The following ANKRD36B variants were observed in gnomAD, a reference collection of about 807,000 sequenced individuals.
ANKRD36B encodes ankyrin repeat domain-containing protein 36B.
In ANKRD36B, 37 loss-of-function variants were observed where a neutral mutation model predicts 135.7. The ratio of observed to expected loss-of-function variants is 0.27; its 90% CI spans 0.21 to 0.36. The LOEUF (loss-of-function observed/expected upper bound fraction) is 0.36. Among genes scored for constraint, ANKRD36B ranks in the 10% least tolerant of loss-of-function variants. The pLI is 1.00. For synonymous variants in ANKRD36B, 179 were observed against 348.1 expected (o/e 0.51, Z 5.41); for missense variants, 549 against 1,037.1 (o/e 0.53, Z 6.46).
intron 10 of ANKRD36B, among the ~76,000 whole-genome samples, chr2:97,557,979 T>A (rs1576992027): frequency 6.6e-6 from 1 of 152,074 alleles, no homozygotes; most frequent in East Asian, 1.9e-4. Context: ...TATTTTTTTT[T>A]CTAAAATAGT....
At chr2:97,555,776 G>A (rs2080467910) in intron 12 of ANKRD36B, among the ~76,000 whole-genome samples, 1 of 151,886 alleles carries the variant, frequency 6.6e-6, no homozygotes, top group African/African-American at 2.4e-5. Context: ...AAATTGATCA[G>A]CTTGGATATA....
intron 20 of ANKRD36B, 42 bp from the exon 21 acceptor site, chr2:97,547,773 T>C (rs770403793): frequency 1.3e-6 from 2 of 1,542,158 alleles, no homozygotes; most frequent in Non-Finnish European, 1.8e-6. Context: ...TATGTAAAAA[T>C]GACAAAATTA....
rs573991694 is a variant in ANKRD36B at position 97,551,751 on chromosome 2, C to A, written c.1274-271G>T. Among the ~76,000 whole-genome samples, 149 of 151,918 alleles carry A rather than the reference C, an allele frequency of 9.8e-4. 1 individual carries two copies. Among genetic ancestry groups the A allele is most frequent in the Non-Finnish European group, 1.4e-3 (93 of 67,912 alleles). The stretch of plus-strand genomic sequence containing the variant: ...ATCAAAGGTTGTCAACATCAATGTC[C>A]ATATGCCGAGTGATGAGGACAAATG... On this transcript the variant is annotated intron_variant, in intron 16 of 43. Transcript: ENST00000359901.
intron 5 of ANKRD36B, among the ~76,000 whole-genome samples, chr2:97,577,104 T>C (rs999225433): frequency 1.3e-5 from 2 of 151,708 alleles, no homozygotes; most frequent in Non-Finnish European, 2.9e-5. Context: ...TTAAAATAGG[T>C]AACACGATTG....
Position 97,538,719 on chromosome 2 carries a change from T to C in ANKRD36B, c.1988-356A>G, listed in dbSNP as rs1253510608. Among the ~76,000 whole-genome samples the C allele has an allele frequency of 5.1e-5, 5 of 97,388 alleles. 2 individuals carry two copies. The highest frequency in any genetic ancestry group is 1.4e-4 in the Non-Finnish European group (5 of 36,536). The allele number at this position is 97,388 out of a possible 152,430, so 63.9% of individuals were successfully genotyped here. A position where few individuals can be genotyped will look rare whatever the true frequency, so the allele number is the denominator to read the frequency against. On this transcript the variant is annotated intron_variant, in intron 30 of 43. Coordinates refer to ENST00000359901, the MANE Select transcript of ANKRD36B (RefSeq NM_001393939.1). ...CAGGAACCAATGTCAAAGAAGGTAC[T>C]AAATGCTACTGCATGTTTTTCATGC...
chr2:97,530,728 A>G (rs1421094779), intron 35 of ANKRD36B, among the ~76,000 whole-genome samples: 2 of 97,404 alleles, frequency 2.1e-5, no homozygotes, highest in South Asian at 2.3e-4. Context: ...AAACAACCCC[A>G]TCAAAAAGTG....
Position 97,528,781 on chromosome 2 carries a change from T to C in ANKRD36B, c.2265+3530A>G, listed in dbSNP as rs1284137363. Among the ~76,000 whole-genome samples the C allele has an allele frequency of 4.2e-5, 4 of 94,852 alleles. 1 individual carries two copies. Among genetic ancestry groups the C allele is most frequent in the African/African-American group, 1.3e-4 (4 of 31,376 alleles). 62.2% of individuals were successfully genotyped at this position (94,852 alleles called of 152,430 possible). Reference sequence around the variant, plus strand: ...TCAGAGAATACTACAAACACCTCTATGCAAATAAACTAGAAAATCTAGAAG... The same window carrying C: ...TCAGAGAATACTACAAACACCTCTACGCAAATAAACTAGAAAATCTAGAAG... On this transcript the variant is annotated intron_variant, in intron 35 of 43. Coordinates refer to ENST00000359901, the MANE Select transcript of ANKRD36B (RefSeq NM_001393939.1).
intron 14 of ANKRD36B, among the ~76,000 whole-genome samples, chr2:97,554,655 C>T (rs963365584): frequency 6.6e-6 from 1 of 151,976 alleles, no homozygotes; most frequent in African/African-American, 2.4e-5. Context: ...TCTCGTTCTA[C>T]AATTTTTACT....
chr2:97,548,905 A>AATT (rs1442229932), intron 20 of ANKRD36B, among the ~76,000 whole-genome samples: 1 of 151,890 alleles, frequency 6.6e-6, no homozygotes, highest in Non-Finnish European at 1.5e-5. Context: ...CAAACCCCAA[A>AATT]ATTATATAAA....
chr2:97,572,915 ACTT>A (rs2081975963), intron 6 of ANKRD36B, among the ~76,000 whole-genome samples: 1 of 150,532 alleles, frequency 6.6e-6, no homozygotes, highest in South Asian at 2.1e-4. Flanking sequence ...TCTGTAGGCT[ACTT>A]CTTTTTTTTT....
chr2:97,561,830 A>G (rs939646911), intron 6 of ANKRD36B, among the ~76,000 whole-genome samples: 2 of 151,974 alleles, frequency 1.3e-5, no homozygotes, highest in African/African-American at 4.8e-5. Flanking sequence ...TCATTTGAAT[A>G]ACCAATATCA....
rs1188664968 is a variant in ANKRD36B, at chr2:97,494,628, C to A, written c.*7-1773G>T. On this transcript the variant is annotated intron_variant, in intron 43 of 43. Transcript: ENST00000359901. ...TATTTGGAGGGTACAAATTTGCAAA[C>A]AATATCACTCTCTTTTTGTCTTTAA... 1.1e-4 allele frequency among the ~76,000 whole-genome samples: 11 copies of A among 104,578 alleles called. 3 individuals carry two copies. The highest frequency in any genetic ancestry group is 2.4e-4 in the Non-Finnish European group (9 of 37,128). 68.6% of individuals were successfully genotyped at this position (104,578 alleles called of 152,430 possible).
intron 37 of ANKRD36B, among the ~76,000 whole-genome samples, chr2:97,514,139 T>C (rs1393728783): frequency 7.3e-6 from 1 of 136,628 alleles, no homozygotes; most frequent in Non-Finnish European, 1.5e-5. Flanking sequence ...AGAGTTTGAC[T>C]CTCTTTGTTG....
At chr2:97,575,679 A>C (rs2082184475) in intron 6 of ANKRD36B, among the ~76,000 whole-genome samples, 1 of 150,534 alleles carries the variant, frequency 6.6e-6, no homozygotes, top group Non-Finnish European at 1.5e-5. Context: ...TTTTTTTATA[A>C]ATAAAAAATT....
chr2:97,552,708 G>C (rs2080173696), intron 16 of ANKRD36B, among the ~76,000 whole-genome samples: 1 of 151,772 alleles, frequency 6.6e-6, no homozygotes. Context: ...CTCGTCCTTG[G>C]GAAAATAATT....
At chr2:97,549,269 C>A in intron 20 of ANKRD36B, 150 bp downstream of exon 20, 1 of 866,868 alleles carries the variant, frequency 1.2e-6, no homozygotes. Flanking sequence ...TCAGCATCAG[C>A]ATCACTCAAG....
chr2:97,551,990 T>G (rs1041825730), intron 16 of ANKRD36B, among the ~76,000 whole-genome samples: 5 of 151,968 alleles, frequency 3.3e-5, no homozygotes, highest in African/African-American at 1.2e-4. Flanking sequence ...TCTTCACTGG[T>G]AATGTCCTAA....
At position 97,525,856 on chromosome 2, in the gene ANKRD36B, C is replaced by T. The variant is rs1373499143; in HGVS notation, c.2266-2389G>A. On this transcript the variant is annotated intron_variant, in intron 35 of 43. Transcript: ENST00000359901. ...GGCAGCAGTGAGGCTGGGGGAGGGG[C>T]GCCTGCCATTGCCCAGGCTTGCTTA... Among the ~76,000 whole-genome samples, 8 of 97,624 alleles carry T rather than the reference C, an allele frequency of 8.2e-5. 1 individual carries two copies. In the South Asian group the frequency reaches 1.2e-3, roughly 14 times the overall value. 64.0% of individuals were successfully genotyped at this position (97,624 alleles called of 152,430 possible). A position where few individuals can be genotyped will look rare whatever the true frequency, so the allele number is the denominator to read the frequency against.
At chr2:97,574,897 G>A (rs369806789) in intron 6 of ANKRD36B, among the ~76,000 whole-genome samples, 3 of 151,976 alleles carry the variant, frequency 2.0e-5, no homozygotes, top group Admixed American at 6.6e-5. Flanking sequence ...CCCTGTGCAC[G>A]TAGCTTCTGC....
Sources: gnomAD v4.1 joint callset for allele counts (sites outside exome capture counted in the v4.1 genomes callset) on GRCh38, gnomAD v4.1.1 for gene constraint, MANE v1.5 for transcripts, NCBI Gene and HGNC (gene_info 2026-07-23, HGNC 2026-07-21) for gene names.